NRG1: variants seen among roughly 807,000 people sequenced by gnomAD.
The protein encoded by NRG1 is pro-neuregulin-1, membrane-bound isoform.
A neutral mutation model predicts 63.8 loss-of-function variants in NRG1; 18 were observed. The ratio of observed to expected loss-of-function variants is 0.28; its 90% CI spans 0.19 to 0.42. The LOEUF (loss-of-function observed/expected upper bound fraction) is 0.42. Among genes scored for constraint, NRG1 ranks in the 10% least tolerant of loss-of-function variants. The pLI, the probability that NRG1 is intolerant of heterozygous loss-of-function variation, is 1.00. For missense variants in NRG1, 762 were observed against 814.7 expected, an observed-to-expected ratio of 0.94 and a Z score of 0.79; for synonymous variants, 302 against 301.3, an observed-to-expected ratio of 1.00 and a Z score of -0.02.
At chr8:31,779,822 C>G (rs1428212043) in intron 1 of NRG1, among the ~76,000 whole-genome samples, 1 of 152,152 alleles carries the variant, frequency 6.6e-6, no homozygotes, top group African/African-American at 2.4e-5. Context: ...AATGAGAGGG[C>G]TGTGTTTGTG....
chr8:32,089,515 T>G (rs2131249301), intron 1 of NRG1, among the ~76,000 whole-genome samples: 1 of 152,248 alleles, frequency 6.6e-6, no homozygotes, highest in African/African-American at 2.4e-5. Context: ...AAAATTTTTT[T>G]TTTAAATGCC....
exon 9 of NRG1, chr8:32,756,490 C>T: frequency 6.2e-7 from 1 of 1,613,562 alleles, no homozygotes; most frequent in African/African-American, 1.3e-5. Context: ...ATGGGCCTCA[C>T]CATCCTAACC....
At chr8:32,764,323 C>A (rs757681865) in exon 12 of NRG1, 1 of 1,613,978 alleles carries the variant, frequency 6.2e-7, no homozygotes, top group Non-Finnish European at 8.5e-7. Flanking sequence ...ACTAACCCAG[C>A]AGGCCGCTTC....
chr8:32,684,977 T>G (rs1306574079), intron 5 of NRG1, among the ~76,000 whole-genome samples: 6 of 152,096 alleles, frequency 3.9e-5, no homozygotes, highest in African/African-American at 1.4e-4. Flanking sequence ...TTGTAGGAAA[T>G]AATACAGAGA....
At chr8:32,602,334 A>G (rs1844525293) in intron 2 of NRG1, among the ~76,000 whole-genome samples, 1 of 152,150 alleles carries the variant, frequency 6.6e-6, no homozygotes, top group African/African-American at 2.4e-5. Context: ...GCCAAGGCCT[A>G]TTAGGAGAAG....
intron 1 of NRG1, among the ~76,000 whole-genome samples, chr8:31,754,126 A>G (rs918289484): frequency 2.0e-5 from 3 of 152,118 alleles, no homozygotes; most frequent in Non-Finnish European, 2.9e-5. Flanking sequence ...GTTGCAGCCA[A>G]TGACATATCT....
chr8:32,528,611 C>T (rs1231898367), intron 1 of NRG1, among the ~76,000 whole-genome samples: 1 of 152,100 alleles, frequency 6.6e-6, no homozygotes, highest in Non-Finnish European at 1.5e-5. Flanking sequence ...TTCTCTTCTT[C>T]CCACATTGTT....
In NRG1 at chr8:31,831,425, A is replaced by G. The variant is rs572902048; in HGVS notation, c.37+191994A>G. Among the ~76,000 whole-genome samples, 88 of 142,086 alleles carry G rather than the reference A, an allele frequency of 6.2e-4. 1 individual carries two copies. The highest frequency in any genetic ancestry group is 2.7e-3 in the South Asian group (12 of 4,444). 93.2% of individuals were successfully genotyped at this position (142,086 alleles called of 152,430 possible). On this transcript the variant is annotated intron_variant, in intron 1 of 10. Coordinates refer to the NRG1 transcript ENST00000519301. ...GCCCACATTCTTCTTAAAGGGTTTG[A>G]GATTTTTTTTGGAAATTACAGGGCA... is the stretch of plus-strand genomic sequence containing the variant.
chr8:31,990,023 T>C (rs372373), intron 1 of NRG1, among the ~76,000 whole-genome samples: 127,178 of 152,126 alleles, frequency 0.84, 53,881 homozygotes, highest in African/African-American at 0.93. Context: ...TTCATTCTAA[T>C]GCTATCTAAC....
intron 1 of NRG1, among the ~76,000 whole-genome samples, chr8:31,935,209 T>C (rs2129620337): frequency 6.6e-6 from 1 of 152,118 alleles, no homozygotes; most frequent in South Asian, 2.1e-4. Context: ...CTCAACCTCC[T>C]GGGCTCAAGT....
At chr8:32,037,633 A>G (rs1819282542) in intron 1 of NRG1, among the ~76,000 whole-genome samples, 1 of 152,212 alleles carries the variant, frequency 6.6e-6, no homozygotes, top group Non-Finnish European at 1.5e-5. Flanking sequence ...GGATGCTGAA[A>G]ATCCCACAGG....
intron 5 of NRG1, among the ~76,000 whole-genome samples, chr8:32,650,293 C>T (rs1403395566): frequency 1.3e-5 from 2 of 152,024 alleles, no homozygotes; most frequent in African/African-American, 4.8e-5. Flanking sequence ...TGCCTAAAAG[C>T]ATCATTGTGG....
chr8:32,721,497 T>C (rs1388803436), intron 5 of NRG1, among the ~76,000 whole-genome samples: 1 of 152,042 alleles, frequency 6.6e-6, no homozygotes, highest in Non-Finnish European at 1.5e-5. Context: ...ATTAACCGTC[T>C]CCTGAGAATT....
intron 1 of NRG1, among the ~76,000 whole-genome samples, chr8:31,694,981 C>T (rs971097061): frequency 6.6e-6 from 1 of 152,162 alleles, no homozygotes; most frequent in African/African-American, 2.4e-5. Flanking sequence ...TAAAGAATTA[C>T]TTGAAACTGA....
At chr8:32,512,574 TA>T (rs1270803772) in intron 1 of NRG1, among the ~76,000 whole-genome samples, 1 of 152,212 alleles carries the variant, frequency 6.6e-6, no homozygotes, top group Non-Finnish European at 1.5e-5. Flanking sequence ...ATAACAACCT[TA>T]TATGGTAAGT....
chr8:32,298,757 G>T (rs1367382918), intron 1 of NRG1, among the ~76,000 whole-genome samples: 1 of 149,352 alleles, frequency 6.7e-6, no homozygotes, highest in Non-Finnish European at 1.5e-5. Flanking sequence ...GATCGGGTGC[G>T]GGGGCTCACG....
chr8:32,175,060 A>C (rs1840547595), intron 1 of NRG1, among the ~76,000 whole-genome samples: 1 of 152,232 alleles, frequency 6.6e-6, no homozygotes, highest in South Asian at 2.1e-4. Flanking sequence ...ATCCCTGATG[A>C]ACATCGATGC....
intron 1 of NRG1, among the ~76,000 whole-genome samples, chr8:32,236,520 C>A (rs2129469374): frequency 6.6e-6 from 1 of 152,216 alleles, no homozygotes; most frequent in South Asian, 2.1e-4. Context: ...AAAGTGAGTT[C>A]TTTTGGTCCT....
chr8:32,615,317 A>G (rs2129541638), intron 4 of NRG1, among the ~76,000 whole-genome samples: 1 of 152,230 alleles, frequency 6.6e-6, no homozygotes. Flanking sequence ...TTTGGAAGAA[A>G]ATTTTTGAAG....
Sources: allele counts gnomAD v4.1 joint callset (sites outside exome capture counted in the v4.1 genomes callset), GRCh38; gene constraint gnomAD v4.1.1; transcripts MANE v1.5; gene names NCBI Gene and HGNC (gene_info 2026-07-23, HGNC 2026-07-21).